Variants in DOCK4 observed in about 807,000 individuals in gnomAD.
The protein encoded by DOCK4 is dedicator of cytokinesis protein 4.
A neutral mutation model predicts 268.1 loss-of-function variants in DOCK4; 97 were observed. The observed-to-expected ratio is 0.36, with a 90% CI of 0.31 to 0.43. DOCK4 has a LOEUF of 0.43. Among genes scored for constraint, DOCK4 ranks in the 20% least tolerant of loss-of-function variants. The pLI is 1.00. For missense variants in DOCK4, 2,145 were observed against 2,455.7 expected, an observed-to-expected ratio of 0.87 and a Z score of 2.67; for synonymous variants, 954 against 887.2, an observed-to-expected ratio of 1.08 and a Z score of -1.34.
intron 1 of DOCK4, among the ~76,000 whole-genome samples, chr7:112,025,684 T>C (rs1802725565): frequency 1.3e-5 from 2 of 152,196 alleles, no homozygotes; most frequent in South Asian, 4.1e-4. Flanking sequence ...CTCTGTGGCC[T>C]GGCCCACTGC....
At chr7:111,738,677 C>T (rs1005384012) in intron 49 of DOCK4, among the ~76,000 whole-genome samples, 3 of 152,196 alleles carry the variant, frequency 2.0e-5, no homozygotes, top group Non-Finnish European at 4.4e-5. Context: ...GTGGCTCATG[C>T]CTGTAATCCC....
intron 12 of DOCK4, among the ~76,000 whole-genome samples, chr7:111,926,865 G>C (rs1374146498): frequency 6.8e-6 from 1 of 146,422 alleles, no homozygotes; most frequent in Admixed American, 6.8e-5. Flanking sequence ...AAGAGAGAGA[G>C]AGAGAAAGGA....
chr7:112,149,442 T>C (rs537340020), intron 1 of DOCK4, among the ~76,000 whole-genome samples: 2 of 151,922 alleles, frequency 1.3e-5, no homozygotes, highest in African/African-American at 4.8e-5. Context: ...TGATAACCCC[T>C]CTGTGTATGA....
intron 1 of DOCK4, among the ~76,000 whole-genome samples, chr7:112,070,106 G>A (rs1053887782): frequency 2.0e-5 from 3 of 152,150 alleles, no homozygotes; most frequent in Non-Finnish European, 4.4e-5. Context: ...TGTGGAAGAT[G>A]GATTAGATGA....
intron 1 of DOCK4, among the ~76,000 whole-genome samples, chr7:112,113,882 C>A (rs1490939531): frequency 1.3e-5 from 2 of 151,320 alleles, no homozygotes; most frequent in African/African-American, 4.9e-5. Flanking sequence ...GCATGAGCCA[C>A]CATGCTTCGC....
At chr7:112,021,806 G>C (rs1239439076) in intron 1 of DOCK4, among the ~76,000 whole-genome samples, 1 of 152,160 alleles carries the variant, frequency 6.6e-6, no homozygotes, top group Admixed American at 6.5e-5. Context: ...TCAAGGCCCT[G>C]TCTACGGGTT....
chr7:111,755,968 T>C (rs1409266913), intron 41 of DOCK4, among the ~76,000 whole-genome samples: 1 of 152,194 alleles, frequency 6.6e-6, no homozygotes, highest in Non-Finnish European at 1.5e-5. Context: ...AGCCAGTCAA[T>C]GTATCAGCCT....
chr7:111,817,590 T>C (rs1220674142), intron 27 of DOCK4, among the ~76,000 whole-genome samples: 1 of 152,226 alleles, frequency 6.6e-6, no homozygotes, highest in Non-Finnish European at 1.5e-5. Flanking sequence ...AAGCTTGTCA[T>C]GGACAGGTAG....
intron 8 of DOCK4, among the ~76,000 whole-genome samples, chr7:111,961,925 G>A (rs949794498): frequency 1.3e-5 from 2 of 152,116 alleles, no homozygotes; most frequent in African/African-American, 4.8e-5. Context: ...CATACAGTAT[G>A]AAAACATTAA....
At chr7:111,900,982 A>G (rs977204082) in intron 14 of DOCK4, among the ~76,000 whole-genome samples, 2 of 152,224 alleles carry the variant, frequency 1.3e-5, no homozygotes, top group African/African-American at 4.8e-5. Flanking sequence ...TTCTCACCCC[A>G]ATTAGTAAGT....
At chr7:111,939,741 G>T (rs1795051292) in intron 11 of DOCK4, among the ~76,000 whole-genome samples, 1 of 152,042 alleles carries the variant, frequency 6.6e-6, no homozygotes, top group Non-Finnish European at 1.5e-5. Context: ...GAAGTCATCT[G>T]GGCTTCCCTT....
chr7:111,893,425 T>C (rs1376527017), intron 16 of DOCK4, among the ~76,000 whole-genome samples: 2 of 152,230 alleles, frequency 1.3e-5, no homozygotes, highest in Non-Finnish European at 1.5e-5. Context: ...GTAGAAGTGA[T>C]TCATTCTTTT....
At chr7:111,930,873 G>A (rs1319929833) in intron 12 of DOCK4, among the ~76,000 whole-genome samples, 1 of 152,200 alleles carries the variant, frequency 6.6e-6, no homozygotes, top group Non-Finnish European at 1.5e-5. Flanking sequence ...AGACTGAAGG[G>A]TGGAAGCTTT....
In DOCK4 at chr7:112,112,501, G is replaced by A. The variant is rs1033133195; in HGVS notation, c.37+93601C>T. On this transcript the variant is annotated intron_variant, in intron 1 of 52. Coordinates refer to ENST00000428084, the MANE Select transcript of DOCK4 (RefSeq NM_001363540.2). ...TACTAAAAATACAAAAAAACTAGCC[G>A]GGTGTGGTGGTGGGCACCTGTAGTC... Among the ~76,000 whole-genome samples, 15 of 152,160 alleles carry A rather than the reference G, an allele frequency of 9.9e-5. No individual in the cohort carries two copies. The South Asian group carries it at 1.9e-3, about 19-fold the overall frequency.
intron 42 of DOCK4, among the ~76,000 whole-genome samples, chr7:111,753,490 A>G (rs1000664666): frequency 2.6e-5 from 4 of 152,220 alleles, no homozygotes; most frequent in African/African-American, 4.8e-5. Flanking sequence ...CAAAAAGGAA[A>G]TATAATATTT....
chr7:112,197,855 C>T (rs1258432541), intron 1 of DOCK4, among the ~76,000 whole-genome samples: 1 of 151,240 alleles, frequency 6.6e-6, no homozygotes, highest in East Asian at 2.0e-4. Context: ...TGCAGACTCA[C>T]TTTCTACTAG....
intron 30 of DOCK4, among the ~76,000 whole-genome samples, chr7:111,791,276 T>TACACACACACACACACAC (rs147004808): frequency 0.032 from 4,274 of 134,730 alleles, 214 homozygotes; most frequent in African/African-American, 0.092. Flanking sequence ...ATTTAAAAAA[T>TACACACACACACACACAC]ACACACACAC....
At chr7:111,827,090 A>G (rs1431933816) in intron 26 of DOCK4, among the ~76,000 whole-genome samples, 1 of 152,144 alleles carries the variant, frequency 6.6e-6, no homozygotes, top group African/African-American at 2.4e-5. Flanking sequence ...AGACCCTCAG[A>G]CTATACTCAA....
chr7:112,186,864 A>G (rs1423307449), intron 1 of DOCK4, among the ~76,000 whole-genome samples: 2 of 152,208 alleles, frequency 1.3e-5, no homozygotes, highest in African/African-American at 2.4e-5. Flanking sequence ...AATTTCAGGG[A>G]CATATAAAAG....
Sources: gnomAD v4.1 joint callset for allele counts (sites outside exome capture counted in the v4.1 genomes callset) on GRCh38, gnomAD v4.1.1 for gene constraint, MANE v1.5 for transcripts, NCBI Gene and HGNC (gene_info 2026-07-23, HGNC 2026-07-21) for gene names.